NFASC: variants seen among roughly 807,000 people sequenced by gnomAD.
The protein encoded by NFASC is neurofascin homolog.
In NFASC, 43 loss-of-function variants were observed where a neutral mutation model predicts 147.5. That is an observed-to-expected ratio of 0.29 (90% CI 0.23 to 0.38). The LOEUF (loss-of-function observed/expected upper bound fraction) is 0.38. Ranked by LOEUF, NFASC falls within the 10% of genes least tolerant of loss-of-function variation. NFASC has a pLI of 1.00. For missense variants in NFASC, 1,320 were observed against 1,689.0 expected (o/e 0.78, Z 3.83); for synonymous variants, 622 against 665.5 (o/e 0.93, Z 1.01).
chr1:204,897,949 G>A (rs2083715868), intron 1 of NFASC, among the ~76,000 whole-genome samples: 1 of 152,026 alleles, frequency 6.6e-6, no homozygotes. Flanking sequence ...TGTTGGCCAG[G>A]CTGGTCTCGA....
At chr1:204,894,191 G>A (rs1048292953) in intron 1 of NFASC, among the ~76,000 whole-genome samples, 1 of 152,216 alleles carries the variant, frequency 6.6e-6, no homozygotes, top group Non-Finnish European at 1.5e-5. Context: ...AAAAATATTT[G>A]TCAAAAGTTT....
intron 1 of NFASC, among the ~76,000 whole-genome samples, chr1:204,875,838 T>G (rs1175781714): frequency 2.0e-5 from 3 of 152,110 alleles, no homozygotes; most frequent in Non-Finnish European, 4.4e-5. Flanking sequence ...ATTAACTAGT[T>G]TTTGAGGGAA....
intron 8 of NFASC, among the ~76,000 whole-genome samples, chr1:204,963,269 G>C (rs576042061): frequency 6.6e-6 from 1 of 152,224 alleles, no homozygotes; most frequent in African/African-American, 2.4e-5. Flanking sequence ...GGGGACCTTT[G>C]TTGGATTCTA....
chr1:204,930,573 T>C (rs1376081416), intron 2 of NFASC, among the ~76,000 whole-genome samples: 1 of 151,992 alleles, frequency 6.6e-6, no homozygotes, highest in Non-Finnish European at 1.5e-5. Context: ...AACATCAGAG[T>C]CTGATGCAGG....
chr1:205,007,904 T>TG (rs572533681), intron 27 of NFASC, among the ~76,000 whole-genome samples: 2 of 151,986 alleles, frequency 1.3e-5, no homozygotes, highest in Non-Finnish European at 2.9e-5. Context: ...CAGTCCTACG[T>TG]GGGGGGTTGG....
At chr1:204,930,671 A>G (rs142639463) in intron 2 of NFASC, among the ~76,000 whole-genome samples, 1 of 152,354 alleles carries the variant, frequency 6.6e-6, no homozygotes, top group African/African-American at 2.4e-5. Flanking sequence ...AGCACAAGAG[A>G]AACTGCCACC....
intron 1 of NFASC, among the ~76,000 whole-genome samples, chr1:204,866,336 A>G (rs2077105709): frequency 6.6e-6 from 1 of 152,188 alleles, no homozygotes; most frequent in South Asian, 2.1e-4. Flanking sequence ...TGGTAACTGG[A>G]TGCCGTCTTG....
intron 1 of NFASC, among the ~76,000 whole-genome samples, chr1:204,897,398 A>G (rs981714161): frequency 2.0e-5 from 3 of 152,132 alleles, no homozygotes; most frequent in African/African-American, 7.2e-5. Flanking sequence ...CTTGTAAACC[A>G]GGCTAGAGTT....
rs60166382 is a variant in NFASC at position 204,939,038 on chromosome 1, ATGTGTGTGTGTGTG to A, written c.-90-5152_-90-5139del. 1.7e-4 allele frequency among the ~76,000 whole-genome samples: 21 copies of A among 123,750 alleles called. No homozygotes were observed. The South Asian group carries it at 2.1e-3, about 12-fold the overall frequency. The allele number at this position is 123,750 out of a possible 152,430, so 81.2% of individuals were successfully genotyped here. ...TTCTCTTTTCTTCCTGTATGGATGGATGTGTGTGTGTGTGTGTGTGTGTGTGTGTGTGTGTGTGT... is the reference window on the plus strand; with the variant it reads ...TTCTCTTTTCTTCCTGTATGGATGGATGTGTGTGTGTGTGTGTGTGTGTGT... On this transcript the variant is annotated intron_variant, in intron 2 of 29. Coordinates refer to ENST00000339876, the MANE Select transcript of NFASC (RefSeq NM_001005388.3).
chr1:204,904,286 C>T (rs1407509700), intron 1 of NFASC, among the ~76,000 whole-genome samples: 3 of 152,046 alleles, frequency 2.0e-5, no homozygotes, highest in East Asian at 1.9e-4. Flanking sequence ...TTAGTAGAAA[C>T]GGGGTTTTGC....
At chr1:204,996,563 G>A (rs1317510973) in intron 24 of NFASC, among the ~76,000 whole-genome samples, 1 of 152,246 alleles carries the variant, frequency 6.6e-6, no homozygotes, top group Non-Finnish European at 1.5e-5. Context: ...GACCGGAGGA[G>A]GGCGAGGGCA....
Position 204,980,371 on chromosome 1 carries a change from C to T in NFASC, c.2178C>T (p.Pro726=), listed in dbSNP as rs1465758525. ...AGCCTGTGTCTGTTTGGGTTCCAGC[C>T]CCCGAGTCCAATCCTGGTGACGTGA... The part of the protein sequence containing the change: ...PSERYRTSGA[P]PESNPGDVKG... The change falls in exon 20 of 30, where the codon CCC becomes CCT. Residue 726 remains proline, a splice_region_variant and synonymous_variant. Coordinates refer to ENST00000339876, the MANE Select transcript of NFASC (RefSeq NM_001005388.3). 6.2e-7 allele frequency: 1 copy of T among 1,613,266 alleles called. No individual in the cohort carries two copies. Among genetic ancestry groups the T allele is most frequent in the Non-Finnish European group, 8.5e-7 (1 of 1,179,584 alleles).
At chr1:204,854,591 A>G (rs1189826139) in intron 1 of NFASC, among the ~76,000 whole-genome samples, 1 of 152,016 alleles carries the variant, frequency 6.6e-6, no homozygotes, top group East Asian at 1.9e-4. Flanking sequence ...GGAATGAACA[A>G]CTCTGGAGTT....
intron 1 of NFASC, among the ~76,000 whole-genome samples, chr1:204,873,709 G>C (rs2078178524): frequency 6.6e-6 from 1 of 152,214 alleles, no homozygotes; most frequent in Non-Finnish European, 1.5e-5. Flanking sequence ...CCAGAGAAAA[G>C]AGCCCCTCAG....
Position 204,987,624 on chromosome 1 carries a change from G to T in NFASC, c.2593+84G>T, listed in dbSNP as rs2095642918. 1 of 1,531,974 alleles carries T rather than the reference G, an allele frequency of 6.5e-7. No individual in the cohort carries two copies. The highest frequency in any genetic ancestry group is 1.4e-5 in the African/African-American group (1 of 73,390). The allele number at this position is 1,531,974 out of a possible 1,614,324, so 94.9% of individuals were successfully genotyped here. ...CCACTTTTCCTAAGGACTCAAGGTA[G>T]AAAGCCTGTGGGTGCAGATGGCATT... On this transcript the variant is annotated intron_variant, in intron 22 of 29. Transcript: ENST00000339876. The surrounding 1 kb of genome is among the most constrained non-coding windows in gnomAD (Gnocchi z 4.4).
At chr1:204,851,406 C>T (rs547118566) in intron 1 of NFASC, among the ~76,000 whole-genome samples, 59 of 151,110 alleles carry the variant, frequency 3.9e-4, no homozygotes, top group African/African-American at 1.4e-3. Context: ...GATCCTGACT[C>T]ACTGCAACCT....
intron 27 of NFASC, chr1:205,009,059 C>T (rs570960667): frequency 3.0e-4 from 65 of 216,912 alleles, no homozygotes; most frequent in African/African-American, 1.2e-3. Context: ...GGGATGCTGC[C>T]GTGTGCCTGT....
chr1:204,965,798 C>T (rs2094917498), intron 8 of NFASC, among the ~76,000 whole-genome samples: 1 of 152,190 alleles, frequency 6.6e-6, no homozygotes, highest in Non-Finnish European at 1.5e-5. Context: ...GTGGGATGCC[C>T]ATCTTTAGAC....
Position 205,016,786 on chromosome 1 carries a change from G to A in NFASC, c.*247G>A. On this transcript the variant is annotated 3_prime_UTR_variant, in exon 30 of 30. Transcript: ENST00000339876. This position sits in a 1 kb window ranked among gnomAD's most constrained non-coding sequence, Gnocchi z 5.1. ...GAGCCGTGGCTGAGCTCAGCTGGAG[G>A]GAGCCTGGCCCCTTGCCCGGTCTCG... The A allele has an allele frequency of 1.7e-6, 1 of 578,708 alleles. No homozygotes were observed. The highest frequency in any genetic ancestry group is 1.8e-5 in the South Asian group (1 of 56,370). The allele number at this position is 578,708 out of a possible 1,614,324, so 35.8% of individuals were successfully genotyped here. A position where few individuals can be genotyped will look rare whatever the true frequency, so the allele number is the denominator to read the frequency against.
Sources: gnomAD v4.1 joint callset for allele counts (sites outside exome capture counted in the v4.1 genomes callset) on GRCh38, gnomAD v4.1.1 for gene constraint, Gnocchi (gnomAD v3.1) non-coding constraint, MANE v1.5 for transcripts, NCBI Gene and HGNC (gene_info 2026-07-23, HGNC 2026-07-21) for gene names.